Variants in SBF2 observed in about 807,000 individuals in gnomAD.
SBF2 encodes the protein myotubularin-related protein 13.
Under a neutral mutation model 225.2 loss-of-function variants are expected in SBF2, and 112 were observed. That is an observed-to-expected ratio of 0.50 (90% CI 0.43 to 0.58). SBF2 has a LOEUF of 0.58. SBF2 is among the 20% of genes least tolerant of loss of function. The pLI is 0.00. For synonymous variants in SBF2, 763 were observed against 773.3 expected (o/e 0.99, Z 0.22); for missense variants, 1,996 against 2,206.2 (o/e 0.90, Z 1.91).
chr11:10,135,533 A>G (rs1475401152), intron 2 of SBF2, among the ~76,000 whole-genome samples: 4 of 152,162 alleles, frequency 2.6e-5, no homozygotes, highest in Non-Finnish European at 2.9e-5. Flanking sequence ...ACAGCACCCA[A>G]GTCACATCTT....
chr11:10,249,003 G>A (rs1439134939), intron 1 of SBF2, among the ~76,000 whole-genome samples: 1 of 152,090 alleles, frequency 6.6e-6, no homozygotes, highest in African/African-American at 2.4e-5. Context: ...GGCTGAGGCA[G>A]GAGAATGGCA....
intron 2 of SBF2, among the ~76,000 whole-genome samples, chr11:10,111,519 C>T (rs1565241337): frequency 6.6e-6 from 1 of 152,130 alleles, no homozygotes; most frequent in Non-Finnish European, 1.5e-5. Context: ...AACACTAGAG[C>T]CTTAAGAATT....
chr11:9,807,950 T>C (rs1400866648), intron 32 of SBF2, 50 bp downstream of exon 32: 1 of 1,501,932 alleles, frequency 6.7e-7, no homozygotes, highest in South Asian at 1.1e-5. Flanking sequence ...AATGCTAGTA[T>C]GTTGTGTTCT....
At chr11:10,047,566 C>G (rs923515724) in intron 2 of SBF2, among the ~76,000 whole-genome samples, 10 of 152,244 alleles carry the variant, frequency 6.6e-5, no homozygotes, top group South Asian at 2.1e-4. Context: ...ACCATTACCC[C>G]CTTTGATCCA....
chr11:9,832,426 G>C lies in SBF2; in HGVS notation c.3456-6C>G. ...CGACTAAAAGGCCAGGATAGCTTCA[G>C]AGACATAGAATAGAGAAGAGAATGA... On this transcript the variant is annotated splice_region_variant and splice_polypyrimidine_tract_variant and intron_variant, in intron 26 of 39. Coordinates refer to ENST00000256190, the MANE Select transcript of SBF2 (RefSeq NM_030962.4). The C allele has an allele frequency of 6.2e-7, 1 of 1,607,714 alleles. No homozygotes were observed.
chr11:9,941,222 G>A (rs1173048421), intron 16 of SBF2, among the ~76,000 whole-genome samples: 1 of 152,146 alleles, frequency 6.6e-6, no homozygotes, highest in African/African-American at 2.4e-5. Context: ...GAGTGAGGTG[G>A]GAGGATCACT....
chr11:9,800,880 G>A (rs553777660), intron 32 of SBF2, among the ~76,000 whole-genome samples: 33 of 152,122 alleles, frequency 2.2e-4, no homozygotes, highest in Admixed American at 1.8e-3. Context: ...CTGTAGTGAC[G>A]TCATCTTTCT....
chr11:9,791,649 G>A (rs1244364676), intron 33 of SBF2, among the ~76,000 whole-genome samples: 2 of 152,202 alleles, frequency 1.3e-5, no homozygotes, highest in African/African-American at 4.8e-5. Context: ...GATGGCCCGA[G>A]ATATTAGTTA....
intron 16 of SBF2, among the ~76,000 whole-genome samples, chr11:9,919,330 A>G (rs1018221385): frequency 2.0e-5 from 3 of 148,262 alleles, no homozygotes; most frequent in Non-Finnish European, 4.4e-5. Context: ...CAATGGCACC[A>G]TCTTGGCTTG....
At chr11:10,210,894 A>T (rs12281409) in intron 1 of SBF2, among the ~76,000 whole-genome samples, 14,442 of 151,578 alleles carry the variant, frequency 0.095, 934 homozygotes, top group East Asian at 0.28. Context: ...GTGCCTGTAA[A>T]CCCAGCTACT....
At chr11:9,803,098 C>T (rs1194188489) in intron 32 of SBF2, among the ~76,000 whole-genome samples, 1 of 152,006 alleles carries the variant, frequency 6.6e-6, no homozygotes, top group Non-Finnish European at 1.5e-5. Context: ...AACAATATTA[C>T]TTTTTACAGT....
chr11:10,106,805 A>C (rs1952577785), intron 2 of SBF2, among the ~76,000 whole-genome samples: 1 of 152,122 alleles, frequency 6.6e-6, no homozygotes. Flanking sequence ...TCTCTAAACC[A>C]AGTAAGAAAA....
At chr11:10,230,441 G>C (rs1363814305) in intron 1 of SBF2, among the ~76,000 whole-genome samples, 5 of 152,182 alleles carry the variant, frequency 3.3e-5, no homozygotes, top group Admixed American at 2.0e-4. Flanking sequence ...TTTTGCAGTG[G>C]CTGGTACCGG....
At chr11:10,217,534 CCT>C (rs1009011698) in intron 1 of SBF2, among the ~76,000 whole-genome samples, 6 of 152,002 alleles carry the variant, frequency 3.9e-5, no homozygotes, top group Non-Finnish European at 7.4e-5. Flanking sequence ...GCAAATAACC[CCT>C]GACAACTTTA....
intron 2 of SBF2, among the ~76,000 whole-genome samples, chr11:10,090,806 C>G (rs1031225239): frequency 2.2e-5 from 3 of 133,622 alleles, no homozygotes; most frequent in Non-Finnish European, 1.6e-5. Flanking sequence ...CCTAGTACAA[C>G]TAAACAATCA....
intron 2 of SBF2, among the ~76,000 whole-genome samples, chr11:10,044,001 T>C (rs556165118): frequency 2.2e-4 from 33 of 152,294 alleles, no homozygotes; most frequent in African/African-American, 7.7e-4. Context: ...GCAGTGCTTA[T>C]AGAAAAATTT....
Position 9,805,703 on chromosome 11 carries a change from A to G in SBF2, c.4443+2297T>C, listed in dbSNP as rs566803211. Among the ~76,000 whole-genome samples, 686 of 151,530 alleles carry G rather than the reference A, an allele frequency of 4.5e-3. 4 individuals carry two copies. Among genetic ancestry groups the G allele is most frequent in the African/African-American group, 0.016 (649 of 41,238 alleles). ...AGTGGGGGCTTCTCAGCTCAATGCA[A>G]CCTCCGCCTCCCGGGTTCAAGCGAT... On this transcript the variant is annotated intron_variant, in intron 32 of 39. Transcript: ENST00000256190.
At position 9,785,332 on chromosome 11, in the gene SBF2, G is replaced by A. The variant is rs200268388; in HGVS notation, c.5038-14C>T. The A allele has an allele frequency of 5.8e-5, 93 of 1,610,620 alleles. No individual in the cohort carries two copies. The highest frequency in any genetic ancestry group is 1.8e-4 in the Admixed American group (11 of 59,952). On this transcript the variant is annotated splice_polypyrimidine_tract_variant and intron_variant, in intron 36 of 39. Transcript: ENST00000256190. ...GTGTCTTTGGGACTGAAAAAGACAGGACAGGAGCTAGGAAACCTTTACAGA... is the reference window on the plus strand; with the variant it reads ...GTGTCTTTGGGACTGAAAAAGACAGAACAGGAGCTAGGAAACCTTTACAGA...
At position 9,967,911 on chromosome 11, in the gene SBF2, ATCTG is replaced by A. The variant is rs1201842155; in HGVS notation, c.1600+426_1600+429del. ...GCCTGGGCAACAAGGGTGAAACTCA[ATCTG>A]TCTGTCTGTCTGTCTGTCTGTCTGT... On this transcript the variant is annotated intron_variant, in intron 14 of 39. Transcript: ENST00000256190. Among the ~76,000 whole-genome samples, 360 of 139,728 alleles carry A rather than the reference ATCTG, an allele frequency of 2.6e-3. 1 individual carries two copies. Among genetic ancestry groups the A allele is most frequent in the East Asian group, 0.016 (78 of 4,916 alleles). The allele number at this position is 139,728 out of a possible 152,430, so 91.7% of individuals were successfully genotyped here. A position where few individuals can be genotyped will look rare whatever the true frequency, so the allele number is the denominator to read the frequency against.
Sources: gnomAD v4.1 joint callset for allele counts (sites outside exome capture counted in the v4.1 genomes callset) on GRCh38, gnomAD v4.1.1 for gene constraint, MANE v1.5 for transcripts, NCBI Gene and HGNC (gene_info 2026-07-23, HGNC 2026-07-21) for gene names.